PRKAR1A: variants seen among roughly 807,000 people sequenced by gnomAD.
PRKAR1A encodes the protein protein kinase cAMP-dependent type I regulatory subunit alpha.
PRKAR1A carries 3 observed loss-of-function variants against 52.0 expected under a neutral mutation model. The observed-to-expected ratio is 0.06, with a 90% confidence interval of 0.03 to 0.15. The LOEUF is 0.15. Ranked by LOEUF, PRKAR1A falls within the 10% of genes least tolerant of loss-of-function variation. PRKAR1A has a pLI of 1.00. For missense variants in PRKAR1A, 240 were observed against 477.4 expected (o/e 0.50, Z 4.63); for synonymous variants, 188 against 168.4 (o/e 1.12, Z -0.90).
intron 11 of PRKAR1A, chr17:68,551,067 G>T: frequency 8.1e-7 from 1 of 1,234,284 alleles, no homozygotes. Context: ...CTCTTGGGGC[G>T]ATTTTCTTTT....
At chr17:68,458,678 TGAG>T in the PRKAR1A span, among the ~76,000 whole-genome samples, 1 of 152,254 alleles carries the variant, frequency 6.6e-6, no homozygotes, top group East Asian at 1.9e-4. Context: ...TTTTAAAAGC[TGAG>T]TACTGTACAT....
downstream of PRKAR1A, chr17:68,536,279 A>C (rs1352214317): frequency 1.1e-5 from 5 of 454,028 alleles, no homozygotes; most frequent in Non-Finnish European, 4.4e-6. Flanking sequence ...CTTTACTGGA[A>C]AAGTTGATTT....
downstream of PRKAR1A, chr17:68,537,778 T>C (rs2086137525): frequency 6.3e-7 from 1 of 1,588,130 alleles, no homozygotes; most frequent in Non-Finnish European, 8.6e-7. This position sits in a 1 kb window ranked among gnomAD's most constrained non-coding sequence, Gnocchi z 4.2. Flanking sequence ...AATAAGCAAA[T>C]GTAAAGAAAA....
intron 11 of PRKAR1A, among the ~76,000 whole-genome samples, chr17:68,544,818 C>A (rs182777044): frequency 2.6e-4 from 39 of 152,334 alleles, no homozygotes; most frequent in African/African-American, 9.1e-4. Flanking sequence ...TGAGTCCCAT[C>A]TGTAGGAACA....
At chr17:68,426,242 T>TTGG in the PRKAR1A span, 8 of 682,812 alleles carry the variant, frequency 1.2e-5, no homozygotes, top group Admixed American at 4.0e-5. Context: ...ACCTGGCGGG[T>TTGG]GGGGAGCGGG....
intron 11 of PRKAR1A, among the ~76,000 whole-genome samples, chr17:68,538,971 A>G (rs1324010073): frequency 1.3e-5 from 2 of 152,240 alleles, no homozygotes; most frequent in Admixed American, 6.5e-5. Flanking sequence ...GAGTGTACTC[A>G]CACAAACCTA....
chr17:68,418,006 A>C, the PRKAR1A span, among the ~76,000 whole-genome samples: 1 of 152,000 alleles, frequency 6.6e-6, no homozygotes, highest in East Asian at 1.9e-4. Context: ...CTGGGATTAC[A>C]GGCGTGAGCC....
At chr17:68,467,817 T>C in the PRKAR1A span, among the ~76,000 whole-genome samples, 1 of 152,210 alleles carries the variant, frequency 6.6e-6, no homozygotes, top group African/African-American at 2.4e-5. Flanking sequence ...ATATGATTGC[T>C]TCCAAACTTA....
At chr17:68,538,885 G>A (rs1325093503) in intron 11 of PRKAR1A, among the ~76,000 whole-genome samples, 1 of 152,192 alleles carries the variant, frequency 6.6e-6, no homozygotes, top group Non-Finnish European at 1.5e-5. Flanking sequence ...GTACAGTCAT[G>A]AATCGCTTAG....
At chr17:68,542,689 T>C (rs1469475522) in intron 11 of PRKAR1A, 1 of 1,608,604 alleles carries the variant, frequency 6.2e-7, no homozygotes, top group South Asian at 1.1e-5. Flanking sequence ...GGGCCAGTAC[T>C]CTACCTGGAG....
Position 68,522,863 on chromosome 17 carries a change from G to A in PRKAR1A, c.285G>A (p.Arg95=), listed in dbSNP as rs756755388. Residue 95 remains arginine, a synonymous_variant, in exon 3 of 11, where the codon AGG becomes AGA. Coordinates refer to ENST00000589228, the MANE Select transcript of PRKAR1A (RefSeq NM_002734.5). The part of the protein sequence containing the change: ...PPPNPVVKGR[R]RRGAISAEVY... ...CCAACCCAGTGGTTAAAGGTAGGAG[G>A]CGACGAGGTGCTATCAGCGCTGAGG... 1 of 1,613,702 alleles carries A rather than the reference G, an allele frequency of 6.2e-7. No homozygotes were observed. The highest frequency in any genetic ancestry group is 1.1e-5 in the South Asian group (1 of 91,056).
the PRKAR1A span, among the ~76,000 whole-genome samples, chr17:68,425,095 C>T: frequency 5.9e-5 from 9 of 152,318 alleles, no homozygotes; most frequent in East Asian, 1.9e-4. Context: ...CAGCCAGCCC[C>T]GAGGGCCCTA....
rs1451800923 is a variant in PRKAR1A, at chr17:68,541,230, A to G, written c.974-9854A>G. ...GAGGGGAGAGGCCGGGGCAGGCAGG[A>G]AAGGAGGAGGTAGTGACCCTCACCT... On this transcript the variant is annotated intron_variant, in intron 11 of 11. Coordinates refer to the PRKAR1A transcript ENST00000585981. The G allele has an allele frequency of 1.5e-5, 7 of 461,326 alleles. No individual in the cohort carries two copies. In the East Asian group the frequency reaches 3.0e-4, roughly 20 times the overall value. 28.6% of individuals were successfully genotyped at this position (461,326 alleles called of 1,614,324 possible).
At chr17:68,523,840 A>T in intron 4 of PRKAR1A, 24 bp downstream of exon 4, 4 of 1,607,930 alleles carry the variant, frequency 2.5e-6, no homozygotes, top group Non-Finnish European at 2.6e-6. Flanking sequence ...CTTTCTTAAC[A>T]CTATTTTTCA....
intron 11 of PRKAR1A, chr17:68,541,698 G>C (rs934398027): frequency 8.6e-6 from 3 of 347,056 alleles, no homozygotes; most frequent in East Asian, 5.3e-5. Context: ...CTACATGTCT[G>C]TTCTCCCCAC....
the PRKAR1A span, among the ~76,000 whole-genome samples, chr17:68,494,023 A>G: frequency 6.6e-6 from 1 of 152,216 alleles, no homozygotes; most frequent in African/African-American, 2.4e-5. Flanking sequence ...CGTTGTGAAT[A>G]GTTTCTAGGT....
At chr17:68,476,296 A>G in the PRKAR1A span, among the ~76,000 whole-genome samples, 6 of 152,188 alleles carry the variant, frequency 3.9e-5, no homozygotes, top group African/African-American at 7.2e-5. Flanking sequence ...AGAAGTTGTC[A>G]TATTCTATTT....
chr17:68,544,779 A>G (rs897194694), intron 11 of PRKAR1A, among the ~76,000 whole-genome samples: 3 of 152,192 alleles, frequency 2.0e-5, no homozygotes, highest in African/African-American at 7.2e-5. Flanking sequence ...AGCAAGGACA[A>G]TCCCTCTTCC....
intron 11 of PRKAR1A, among the ~76,000 whole-genome samples, chr17:68,548,293 G>A (rs998464066): frequency 9.9e-5 from 15 of 152,248 alleles, no homozygotes; most frequent in African/African-American, 3.1e-4. Flanking sequence ...ACTTTGGGAG[G>A]CTGAGGTGGG....
Sources: gnomAD v4.1 joint callset for allele counts (sites outside exome capture counted in the v4.1 genomes callset) on GRCh38, gnomAD v4.1.1 for gene constraint, Gnocchi (gnomAD v3.1) non-coding constraint, MANE v1.5 for transcripts, NCBI Gene and HGNC (gene_info 2026-07-23, HGNC 2026-07-21) for gene names.